The following JARID2 variants were observed in gnomAD, a reference collection of about 807,000 sequenced individuals.
The protein encoded by JARID2 is protein Jumonji.
JARID2 carries 21 observed loss-of-function variants against 125.6 expected under a neutral mutation model. The observed-to-expected ratio is 0.17, with a 90% CI of 0.12 to 0.24. JARID2 has a LOEUF of 0.24. Among genes scored for constraint, JARID2 ranks in the 10% least tolerant of loss-of-function variants. The probability of loss-of-function intolerance (pLI) is 1.00; values close to 1 mark genes in which losing one functional copy is unlikely to be tolerated. For missense variants in JARID2, 1,303 were observed against 1,639.6 expected (o/e 0.79, Z 3.55); for synonymous variants, 736 against 661.6 (o/e 1.11, Z -1.73).
At chr6:15,408,698 C>G (rs757708534) in intron 2 of JARID2, among the ~76,000 whole-genome samples, 81 of 152,150 alleles carry the variant, frequency 5.3e-4, no homozygotes, top group Non-Finnish European at 9.8e-4. Context: ...TATTAAATTA[C>G]AATTAAGTAA....
At chr6:15,483,124 C>G (rs181892356) in intron 5 of JARID2, among the ~76,000 whole-genome samples, 11 of 152,242 alleles carry the variant, frequency 7.2e-5, no homozygotes, top group Admixed American at 3.9e-4. Context: ...GTAAAAACTA[C>G]AAATAACTAA....
intron 5 of JARID2, among the ~76,000 whole-genome samples, chr6:15,485,104 T>C (rs1769803685): frequency 6.6e-6 from 1 of 152,228 alleles, no homozygotes; most frequent in Non-Finnish European, 1.5e-5. Flanking sequence ...CATTTGAAAC[T>C]CTCCATTTTC....
chr6:15,463,443 TTTC>T (rs61120513), intron 4 of JARID2, among the ~76,000 whole-genome samples: 32,986 of 71,302 alleles, frequency 0.46, 4,671 homozygotes, highest in Middle Eastern at 0.52. Context: ...TTTTTTTTTT[TTTC>T]CGAGGTGGAG....
rs539916608 is a variant in JARID2, at chr6:15,303,409, T to C, written c.45+56825T>C. On this transcript the variant is annotated intron_variant, in intron 1 of 17. Coordinates refer to ENST00000341776, the MANE Select transcript of JARID2 (RefSeq NM_004973.4). ...CCTTGAGTAGCAAGGCTATGGGCAG[T>C]AATCCTGCACGGGCAGTGTGGCTGG... 2.6e-5 allele frequency among the ~76,000 whole-genome samples: 4 copies of C among 152,386 alleles called. No homozygotes were observed. In the East Asian group the frequency reaches 5.8e-4, roughly 22 times the overall value.
chr6:15,312,831 C>G lies in JARID2; in HGVS notation c.46-61286C>G, dbSNP rs144182566. Among the ~76,000 whole-genome samples, 37 of 152,240 alleles carry G rather than the reference C, an allele frequency of 2.4e-4. 2 individuals are homozygous for G. In the East Asian group the frequency reaches 6.6e-3, roughly 27 times the overall value. Reference sequence around the variant, plus strand: ...TGGGCATTAAAGCAACCTTATCTTTCACACACACTGAAAGAACCTAGTAAC... The same window carrying G: ...TGGGCATTAAAGCAACCTTATCTTTGACACACACTGAAAGAACCTAGTAAC... On this transcript the variant is annotated intron_variant, in intron 1 of 17. Coordinates refer to ENST00000341776, the MANE Select transcript of JARID2 (RefSeq NM_004973.4).
At chr6:15,481,614 G>C (rs147237452) in intron 5 of JARID2, among the ~76,000 whole-genome samples, 2 of 152,086 alleles carry the variant, frequency 1.3e-5, no homozygotes, top group African/African-American at 4.8e-5. Flanking sequence ...GGCTCTGTCG[G>C]TGTTGCCCAG....
intron 1 of JARID2, among the ~76,000 whole-genome samples, chr6:15,277,858 A>G (rs1218723920): frequency 2.7e-5 from 4 of 147,962 alleles, no homozygotes; most frequent in African/African-American, 7.5e-5. Flanking sequence ...AGAAAGATGG[A>G]TAGATGGAGA....
chr6:15,471,786 AAG>A (rs1487608102), intron 5 of JARID2, among the ~76,000 whole-genome samples: 2 of 152,118 alleles, frequency 1.3e-5, no homozygotes, highest in Non-Finnish European at 2.9e-5. Context: ...GAGCATATGA[AAG>A]AAGGGGATGG....
At chr6:15,519,369 C>T (rs1771720889) in intron 17 of JARID2, among the ~76,000 whole-genome samples, 1 of 152,164 alleles carries the variant, frequency 6.6e-6, no homozygotes, top group African/African-American at 2.4e-5. Context: ...GTCACTTTCT[C>T]ACCCTCATCT....
intron 1 of JARID2, among the ~76,000 whole-genome samples, chr6:15,333,050 G>T (rs1762769622): frequency 6.9e-6 from 1 of 144,348 alleles, no homozygotes; most frequent in Admixed American, 7.4e-5. Flanking sequence ...TCCTGCCTCA[G>T]CCTCCCGAGT....
rs1350954345 is a variant in JARID2, at chr6:15,296,899, C to T, written c.45+50315C>T. On this transcript the variant is annotated intron_variant, in intron 1 of 17. Transcript: ENST00000341776. ...TCATTTTCCATTTTGGTTTCCACTG[C>T]AGTATTCATAGCACCTCAGGGCTGG... 5.9e-5 allele frequency among the ~76,000 whole-genome samples: 9 copies of T among 152,196 alleles called. No homozygotes were observed. The East Asian group carries it at 1.7e-3, about 29-fold the overall frequency.
chr6:15,293,190 C>T (rs1761289270), intron 1 of JARID2, among the ~76,000 whole-genome samples: 1 of 152,190 alleles, frequency 6.6e-6, no homozygotes, highest in African/African-American at 2.4e-5. Flanking sequence ...GTAGTCAGGA[C>T]CTCTACTTCC....
At chr6:15,395,599 C>T (rs1326103995) in intron 2 of JARID2, among the ~76,000 whole-genome samples, 1 of 151,944 alleles carries the variant, frequency 6.6e-6, no homozygotes, top group Non-Finnish European at 1.5e-5. Context: ...GGGATTTCTT[C>T]GTGTTGGTCA....
At chr6:15,500,699 C>G (rs1340019485) in intron 7 of JARID2, among the ~76,000 whole-genome samples, 1 of 152,152 alleles carries the variant, frequency 6.6e-6, no homozygotes, top group Non-Finnish European at 1.5e-5. Context: ...CTCGTTCCAC[C>G]TGCTCTTCGT....
intron 1 of JARID2, among the ~76,000 whole-genome samples, chr6:15,280,777 A>C (rs1760720885): frequency 6.6e-6 from 1 of 151,830 alleles, no homozygotes; most frequent in Non-Finnish European, 1.5e-5. Context: ...TACAAGAATG[A>C]GCCACCACCC....
chr6:15,303,969 G>A (rs189381479), intron 1 of JARID2, among the ~76,000 whole-genome samples: 1 of 152,152 alleles, frequency 6.6e-6, no homozygotes, highest in East Asian at 1.9e-4. Context: ...GTGATAATTC[G>A]TTTAAGCTGT....
At chr6:15,247,346 ATAGT>A (rs1385571421) in intron 1 of JARID2, 3 of 778,430 alleles carry the variant, frequency 3.9e-6, no homozygotes, top group South Asian at 5.9e-5. Context: ...ATGGCTTGGA[ATAGT>A]TAAATTTGTT....
intron 2 of JARID2, among the ~76,000 whole-genome samples, chr6:15,391,791 A>G (rs899825076): frequency 6.6e-6 from 1 of 152,148 alleles, no homozygotes; most frequent in Non-Finnish European, 1.5e-5. Flanking sequence ...CTTATGTAAA[A>G]CAAAACACTA....
chr6:15,318,085 C>A (rs944145782), intron 1 of JARID2, among the ~76,000 whole-genome samples: 13 of 152,218 alleles, frequency 8.5e-5, no homozygotes, highest in African/African-American at 2.4e-4. Flanking sequence ...TGGCGCATGC[C>A]TGTAGTCCCA....
Sources: gnomAD v4.1 joint callset for allele counts (sites outside exome capture counted in the v4.1 genomes callset) on GRCh38, gnomAD v4.1.1 for gene constraint, MANE v1.5 for transcripts, NCBI Gene and HGNC (gene_info 2026-07-23, HGNC 2026-07-21) for gene names.